Variants in RASGRP3 observed in about 807,000 individuals in gnomAD.
The protein encoded by RASGRP3 is ras guanyl-releasing protein 3.
RASGRP3 carries 54 observed loss-of-function variants against 82.7 expected under a neutral mutation model. The observed-to-expected ratio is 0.65, with a 90% confidence interval of 0.52 to 0.82. The LOEUF (loss-of-function observed/expected upper bound fraction) is 0.82, where lower values mean the gene tolerates loss of function less well. Ranked by LOEUF, RASGRP3 falls within the 40% of genes least tolerant of loss-of-function variation. The pLI, the probability that RASGRP3 is intolerant of heterozygous loss-of-function variation, is 0.00. For missense variants in RASGRP3, 861 were observed against 828.9 expected (o/e 1.04, Z -0.48); for synonymous variants, 309 against 300.5 (o/e 1.03, Z -0.29).
At chr2:33,512,105 A>C (rs761491222) in intron 2 of RASGRP3, among the ~76,000 whole-genome samples, 2 of 152,264 alleles carry the variant, frequency 1.3e-5, no homozygotes, top group Non-Finnish European at 2.9e-5. Context: ...GTAAATGTGC[A>C]GGTGACAGAA....
intron 1 of RASGRP3, among the ~76,000 whole-genome samples, chr2:33,486,663 G>T (rs536121629): frequency 6.6e-6 from 1 of 152,298 alleles, no homozygotes; most frequent in South Asian, 2.1e-4. Flanking sequence ...GGAATTCAGA[G>T]AAAGGAGATA....
intron 16 of RASGRP3, 139 bp downstream of exon 16, chr2:33,558,475 T>C: frequency 7.4e-7 from 1 of 1,350,872 alleles, no homozygotes. Flanking sequence ...CAGCAGTAGC[T>C]AAACCCTTGA....
At chr2:33,468,627 C>T (rs896048071) in intron 2 of RASGRP3, among the ~76,000 whole-genome samples, 1 of 152,136 alleles carries the variant, frequency 6.6e-6, no homozygotes, top group South Asian at 2.1e-4. Flanking sequence ...GTCTTGATCT[C>T]CTGACCTCGT....
chr2:33,464,471 C>CT (rs138891382), intron 2 of RASGRP3, among the ~76,000 whole-genome samples: 41,566 of 137,882 alleles, frequency 0.3, 7,467 homozygotes, highest in Non-Finnish European at 0.4. Flanking sequence ...GATCAGTGAT[C>CT]TTTTTTTAAA....
intron 9 of RASGRP3, among the ~76,000 whole-genome samples, chr2:33,525,699 CAAAAAAAA>C (rs1167570668): frequency 9.2e-5 from 5 of 54,408 alleles, no homozygotes; most frequent in Middle Eastern, 0.018. Flanking sequence ...CCTGTCTCTA[CAAAAAAAA>C]AAAAAAAAAA....
Position 33,524,519 on chromosome 2 carries a change from C to T in RASGRP3, c.778C>T (p.His260Tyr). 4 of 1,601,112 alleles carry T rather than the reference C, an allele frequency of 2.5e-6. No homozygotes were observed. The highest frequency in any genetic ancestry group is 3.4e-6 in the Non-Finnish European group (4 of 1,172,970). The change falls in exon 9 of 18, where the codon CAT becomes TAT. Residue 260 changes from histidine (H) to tyrosine (Y), a missense_variant. Physicochemically the swap from His to Tyr is moderately conservative, Grantham distance 83. Coordinates refer to ENST00000403687, the MANE Select transcript of RASGRP3 (RefSeq NM_001139488.2). ...TTCCATTTCACGCCTCAAAGAGACC[C>T]ATTCTCATCTTTCTTCAGAAGTTAC... ...HSSISRLKET[H>Y]SHLSSEVTKN...
intron 13 of RASGRP3, among the ~76,000 whole-genome samples, chr2:33,546,865 G>C (rs988321857): frequency 1.3e-5 from 2 of 151,996 alleles, no homozygotes; most frequent in South Asian, 4.2e-4. Flanking sequence ...TCGGGAGCTC[G>C]AGACCAGTCT....
chr2:33,439,107 C>T (rs1665083020), intron 1 of RASGRP3, among the ~76,000 whole-genome samples: 1 of 152,190 alleles, frequency 6.6e-6, no homozygotes, highest in African/African-American at 2.4e-5. Flanking sequence ...GGAGACTTTT[C>T]TCCTACTGTC....
At chr2:33,536,670 C>T (rs1359002324) in intron 11 of RASGRP3, among the ~76,000 whole-genome samples, 2 of 152,136 alleles carry the variant, frequency 1.3e-5, no homozygotes, top group African/African-American at 2.4e-5. Flanking sequence ...TAAAATCCTA[C>T]GAATCTAACA....
intron 12 of RASGRP3, among the ~76,000 whole-genome samples, chr2:33,543,048 C>T (rs919736099): frequency 6.6e-6 from 1 of 151,966 alleles, no homozygotes; most frequent in Admixed American, 6.6e-5. Flanking sequence ...ATGCCTTACT[C>T]GTTTGCCCAG....
chr2:33,489,261 A>C (rs901780299), intron 1 of RASGRP3, among the ~76,000 whole-genome samples: 1 of 152,218 alleles, frequency 6.6e-6, no homozygotes, highest in South Asian at 2.1e-4. Context: ...TCACGCAAAC[A>C]TGCCTTCAAA....
intron 10 of RASGRP3, among the ~76,000 whole-genome samples, chr2:33,528,760 A>G (rs1672816396): frequency 6.6e-6 from 1 of 152,234 alleles, no homozygotes; most frequent in South Asian, 2.1e-4. Flanking sequence ...CAAATAAAGC[A>G]GAAGTGGCCA....
rs749428928 is a variant in RASGRP3 at position 33,515,174 on chromosome 2, A to G, written c.38A>G (p.Asp13Gly). 9 of 1,613,958 alleles carry G rather than the reference A, an allele frequency of 5.6e-6. No homozygotes were observed. The South Asian group carries it at 7.7e-5, about 14-fold the overall frequency. Residue 13 changes from aspartate (D) to glycine (G), a missense_variant, in exon 3 of 18, where the codon GAT becomes GGT. Asp to Gly is a moderately conservative substitution (Grantham distance 94, BLOSUM62 -1). Transcript: ENST00000403687. ...SSGLGKAATLDELLCTCIEMF... is the reference protein window; with the variant it reads ...SSGLGKAATLGELLCTCIEMF... ...GGCCTTGGGAAAGCAGCAACATTAGATGAACTGCTGTGCACTTGCATTGAG... is the reference window on the plus strand; with the variant it reads ...GGCCTTGGGAAAGCAGCAACATTAGGTGAACTGCTGTGCACTTGCATTGAG...
chr2:33,487,534 T>C (rs1349208523), intron 1 of RASGRP3, among the ~76,000 whole-genome samples: 4 of 152,208 alleles, frequency 2.6e-5, no homozygotes, highest in East Asian at 1.9e-4. Flanking sequence ...TTAACCTATA[T>C]AGGGAAAGGA....
chr2:33,525,193 A>T (rs1034867111), intron 9 of RASGRP3, among the ~76,000 whole-genome samples: 1 of 152,118 alleles, frequency 6.6e-6, no homozygotes, highest in African/African-American at 2.4e-5. Flanking sequence ...ACACAAGGTA[A>T]ATAAGACAGA....
intron 1 of RASGRP3, among the ~76,000 whole-genome samples, chr2:33,480,758 C>G (rs533530244): frequency 1.3e-5 from 2 of 152,300 alleles, no homozygotes; most frequent in African/African-American, 2.4e-5. Flanking sequence ...GTATTGATTG[C>G]TCACTTATAG....
chr2:33,457,018 TC>T (rs1306677946), intron 2 of RASGRP3, among the ~76,000 whole-genome samples: 1 of 150,780 alleles, frequency 6.6e-6, no homozygotes, highest in Non-Finnish European at 1.5e-5. Flanking sequence ...TTCTTGTGCC[TC>T]AGCCTCCCAA....
Position 33,543,552 on chromosome 2 carries a change from T to C in RASGRP3, c.1319T>C (p.Ile440Thr). The C allele has an allele frequency of 6.2e-7, 1 of 1,611,478 alleles. No individual in the cohort carries two copies. The highest frequency in any genetic ancestry group is 8.5e-7 in the Non-Finnish European group (1 of 1,177,926). Residue 440 changes from isoleucine (I) to threonine (T), a missense_variant, in exon 13 of 18, where the codon ATT becomes ACT. By Grantham distance (89) the Ile-to-Thr change is moderately conservative (BLOSUM62 -1). Transcript: ENST00000403687. ...RNYDHDHDGYISQEDFESIAA... is the reference protein window; with the variant it reads ...RNYDHDHDGYTSQEDFESIAA... ...TATGATCACGACCATGATGGGTACATTTCCCAAGAGGACTTTGAAAGTATA... is the reference window on the plus strand; with the variant it reads ...TATGATCACGACCATGATGGGTACACTTCCCAAGAGGACTTTGAAAGTATA...
intron 11 of RASGRP3, among the ~76,000 whole-genome samples, chr2:33,537,253 A>G (rs138381231): frequency 1.8e-3 from 274 of 150,004 alleles, no homozygotes; most frequent in Non-Finnish European, 3.2e-3. Context: ...GGTGCCTGTG[A>G]ATAACCACTG....
Sources: allele counts gnomAD v4.1 joint callset (sites outside exome capture counted in the v4.1 genomes callset), GRCh38; gene constraint gnomAD v4.1.1; transcripts MANE v1.5; gene names NCBI Gene and HGNC (gene_info 2026-07-23, HGNC 2026-07-21).